Variants in EIF4G3 observed in about 807,000 individuals in gnomAD.
EIF4G3 encodes eIF-4-gamma 3.
EIF4G3 carries 34 observed loss-of-function variants against 186.4 expected under a neutral mutation model. The ratio of observed to expected loss-of-function variants is 0.18; its 90% CI spans 0.14 to 0.24. EIF4G3 has a LOEUF of 0.24. Among genes scored for constraint, EIF4G3 ranks in the 10% least tolerant of loss-of-function variants. The pLI is 1.00. For missense variants in EIF4G3, 1,536 were observed against 1,948.5 expected, an observed-to-expected ratio of 0.79 and a Z score of 3.99; for synonymous variants, 673 against 679.5, an observed-to-expected ratio of 0.99 and a Z score of 0.15.
At chr1:21,024,778 A>G (rs1373476827) in intron 4 of EIF4G3, among the ~76,000 whole-genome samples, 1 of 149,386 alleles carries the variant, frequency 6.7e-6, no homozygotes, top group Non-Finnish European at 1.5e-5. Flanking sequence ...TCCTCTGCCT[A>G]GGAAAACCAG....
intron 26 of EIF4G3, among the ~76,000 whole-genome samples, chr1:20,853,889 C>A (rs1184247832): frequency 6.6e-6 from 1 of 152,034 alleles, no homozygotes; most frequent in Non-Finnish European, 1.5e-5. Flanking sequence ...TTTATTTCAA[C>A]CATTGGTTCC....
intron 3 of EIF4G3, among the ~76,000 whole-genome samples, chr1:21,052,016 T>G (rs1418773128): frequency 6.6e-6 from 1 of 152,232 alleles, no homozygotes; most frequent in Non-Finnish European, 1.5e-5. Context: ...TTTAAAGATC[T>G]GTAAAGAGAT....
rs12094400 is a variant in EIF4G3 at position 20,966,916 on chromosome 1, T to C, written c.714+2558A>G. On this transcript the variant is annotated intron_variant, in intron 12 of 36. Coordinates refer to ENST00000602326, the MANE Select transcript of EIF4G3 (RefSeq NM_001391906.1). ...GTTCATTCCATGAATTTCATGCATT[T>C]GGATTTAAAAGCATGAAATTCACCT... Among the ~76,000 whole-genome samples, 1,456 of 152,300 alleles carry C rather than the reference T, an allele frequency of 9.6e-3. 27 individuals carry two copies. The highest frequency in any genetic ancestry group is 0.034 in the African/African-American group (1,397 of 41,558).
At chr1:20,998,854 T>C (rs979519449) in intron 6 of EIF4G3, 3 of 430,860 alleles carry the variant, frequency 7.0e-6, no homozygotes, top group South Asian at 3.4e-5. Flanking sequence ...TTTTATCTAA[T>C]ATATTTAAGG....
intron 14 of EIF4G3, among the ~76,000 whole-genome samples, chr1:20,928,954 C>T (rs889268569): frequency 2.6e-5 from 4 of 152,230 alleles, no homozygotes; most frequent in African/African-American, 9.6e-5. Context: ...TTTGCCTATT[C>T]CTGACATTTC....
chr1:20,993,208 G>A (rs1027482794), intron 7 of EIF4G3, among the ~76,000 whole-genome samples: 3 of 152,114 alleles, frequency 2.0e-5, no homozygotes, highest in Non-Finnish European at 4.4e-5. Flanking sequence ...GGAGCATGGC[G>A]CACTTGATTT....
chr1:21,062,420 T>C (rs2094965311), intron 3 of EIF4G3, among the ~76,000 whole-genome samples: 1 of 152,118 alleles, frequency 6.6e-6, no homozygotes. Context: ...AGTAATATCC[T>C]AAACTAAAAT....
intron 4 of EIF4G3, among the ~76,000 whole-genome samples, chr1:21,049,343 A>T (rs1034190220): frequency 6.6e-6 from 1 of 152,122 alleles, no homozygotes; most frequent in African/African-American, 2.4e-5. Flanking sequence ...TTTGCTCTTT[A>T]TATCTTATAT....
chr1:21,098,925 C>T (rs1189385229), intron 2 of EIF4G3, among the ~76,000 whole-genome samples: 1 of 152,202 alleles, frequency 6.6e-6, no homozygotes, highest in African/African-American at 2.4e-5. Flanking sequence ...GCACGACCCA[C>T]TGTGCCTAGC....
At position 20,810,718 on chromosome 1, in the gene EIF4G3, G is replaced by A. The variant is rs2059080172; in HGVS notation, c.4744+20C>T. The A allele has an allele frequency of 3.1e-6, 5 of 1,610,948 alleles. No homozygotes were observed. Among genetic ancestry groups the A allele is most frequent in the Non-Finnish European group, 3.4e-6 (4 of 1,177,424 alleles). On this transcript the variant is annotated intron_variant, in intron 36 of 36. Transcript: ENST00000602326. This position sits in a 1 kb window ranked among gnomAD's most constrained non-coding sequence, Gnocchi z 4.1. ...ATCTCACTCATTGGTTAGATTAACT[G>A]TAACATGAGATAAACTTACTGGCAG...
intron 10 of EIF4G3, among the ~76,000 whole-genome samples, chr1:20,974,235 A>G (rs760195148): frequency 7.2e-5 from 11 of 152,222 alleles, no homozygotes; most frequent in Non-Finnish European, 1.6e-4. Context: ...TCTGGAATTC[A>G]CAGAATATAA....
chr1:20,812,824 C>A (rs1471059344), intron 35 of EIF4G3, among the ~76,000 whole-genome samples: 2 of 152,036 alleles, frequency 1.3e-5, no homozygotes, highest in East Asian at 1.9e-4. Flanking sequence ...GAATATTCAA[C>A]CTGTTCATTA....
At chr1:20,817,347 A>C (rs1272555569) in intron 34 of EIF4G3, 45 bp downstream of exon 34, 1 of 1,360,084 alleles carries the variant, frequency 7.4e-7, no homozygotes, top group Non-Finnish European at 9.7e-7. Flanking sequence ...TCCCACAAGA[A>C]TCTTTCCTGT....
intron 19 of EIF4G3, among the ~76,000 whole-genome samples, chr1:20,882,215 A>ACACACACACACACACAC (rs2082604815): frequency 7.2e-6 from 1 of 139,476 alleles, no homozygotes; most frequent in Non-Finnish European, 1.6e-5. Context: ...ACACACACAC[A>ACACACACACACACACAC]AAATCATTTA....
At chr1:21,044,701 G>GTC (rs921909055) in intron 4 of EIF4G3, among the ~76,000 whole-genome samples, 1 of 149,646 alleles carries the variant, frequency 6.7e-6, no homozygotes. Flanking sequence ...AGGCTGGAGT[G>GTC]TAATGGTGTG....
chr1:21,123,551 C>A (rs1161318126), intron 2 of EIF4G3, among the ~76,000 whole-genome samples: 5 of 124,622 alleles, frequency 4.0e-5, no homozygotes, highest in East Asian at 2.3e-4. Context: ...GGCAACACAG[C>A]AAGACTGTCT....
chr1:20,920,554 A>C (rs2094408368), intron 14 of EIF4G3, among the ~76,000 whole-genome samples: 1 of 152,178 alleles, frequency 6.6e-6, no homozygotes, highest in Non-Finnish European at 1.5e-5. Context: ...TACTGCCAAG[A>C]ACAGGAAGTC....
At chr1:20,908,420 G>A (rs1187270297) in intron 14 of EIF4G3, among the ~76,000 whole-genome samples, 1 of 152,082 alleles carries the variant, frequency 6.6e-6, no homozygotes, top group Non-Finnish European at 1.5e-5. Flanking sequence ...TTGGGCTTTA[G>A]GGAGATTCTC....
intron 27 of EIF4G3, among the ~76,000 whole-genome samples, chr1:20,852,668 GA>G: frequency 6.6e-6 from 1 of 152,148 alleles, no homozygotes; most frequent in East Asian, 1.9e-4. Context: ...ACTCGGGCAG[GA>G]AAATGGTCTA....
Sources: allele counts gnomAD v4.1 joint callset (sites outside exome capture counted in the v4.1 genomes callset), GRCh38; gene constraint gnomAD v4.1.1; non-coding constraint Gnocchi (gnomAD v3.1); transcripts MANE v1.5; gene names NCBI Gene and HGNC (gene_info 2026-07-23, HGNC 2026-07-21).